CSTPP1: variants seen among roughly 807,000 people sequenced by gnomAD.
CSTPP1 encodes centriolar satellite-associated tubulin polyglutamylase complex regulator 1.
At chr11:47,141,522 G>A in the CSTPP1 span, among the ~76,000 whole-genome samples, 1 of 152,084 alleles carries the variant, frequency 6.6e-6, no homozygotes, top group African/African-American at 2.4e-5. Context: ...TGGGAGAATT[G>A]CTTGAGCCTG....
chr11:47,106,668 C>T, the CSTPP1 span, among the ~76,000 whole-genome samples: 2 of 151,144 alleles, frequency 1.3e-5, no homozygotes, highest in African/African-American at 4.9e-5. Flanking sequence ...AAGAAAAGAA[C>T]ATGAAAGAAA....
At chr11:47,087,641 G>A in the CSTPP1 span, among the ~76,000 whole-genome samples, 3 of 152,182 alleles carry the variant, frequency 2.0e-5, no homozygotes, top group Admixed American at 6.5e-5. Context: ...GGAGGTTGCA[G>A]TGAGCCGAGA....
At chr11:47,040,603 A>G in the CSTPP1 span, among the ~76,000 whole-genome samples, 1 of 126,946 alleles carries the variant, frequency 7.9e-6, no homozygotes, top group African/African-American at 2.5e-5. Flanking sequence ...TACCACTTAT[A>G]AAAAAGCATG....
the CSTPP1 span, among the ~76,000 whole-genome samples, chr11:47,098,785 A>G: frequency 9.9e-5 from 15 of 152,236 alleles, no homozygotes; most frequent in Admixed American, 2.6e-4. Context: ...ACAATTTTCC[A>G]TAAATTTATA....
At chr11:46,973,854 C>A in the CSTPP1 span, among the ~76,000 whole-genome samples, 1 of 151,708 alleles carries the variant, frequency 6.6e-6, no homozygotes, top group African/African-American at 2.4e-5. Flanking sequence ...TAACCAAAAA[C>A]ATTCATATTT....
chr11:46,945,888 A>G, the CSTPP1 span, among the ~76,000 whole-genome samples: 1 of 152,186 alleles, frequency 6.6e-6, no homozygotes, highest in Non-Finnish European at 1.5e-5. Flanking sequence ...TTCTAGAGCC[A>G]GCAGCTATCT....
the CSTPP1 span, chr11:47,164,102 G>A: frequency 6.2e-7 from 1 of 1,611,650 alleles, no homozygotes. Flanking sequence ...GGGTGGTGAG[G>A]TCGAAGCTGC....
the CSTPP1 span, among the ~76,000 whole-genome samples, chr11:47,069,692 G>A: frequency 6.6e-6 from 1 of 151,954 alleles, no homozygotes; most frequent in Non-Finnish European, 1.5e-5. Flanking sequence ...TGTTGTTGTT[G>A]TTGCTGTTTA....
the CSTPP1 span, among the ~76,000 whole-genome samples, chr11:46,955,028 A>G: frequency 1.3e-4 from 20 of 152,198 alleles, no homozygotes; most frequent in Non-Finnish European, 2.8e-4. Flanking sequence ...AGGGAAAAGG[A>G]TCAGGAAAAA....
At chr11:47,067,525 G>T in the CSTPP1 span, among the ~76,000 whole-genome samples, 2 of 152,188 alleles carry the variant, frequency 1.3e-5, no homozygotes, top group Admixed American at 1.3e-4. Context: ...GGCTTCATCA[G>T]ATAGGAAGGA....
At chr11:47,141,040 C>T in the CSTPP1 span, among the ~76,000 whole-genome samples, 4 of 152,056 alleles carry the variant, frequency 2.6e-5, no homozygotes, top group African/African-American at 9.7e-5. Flanking sequence ...CAACTATATC[C>T]TATATTCATT....
the CSTPP1 span, among the ~76,000 whole-genome samples, chr11:47,100,014 T>G: frequency 6.6e-6 from 1 of 152,218 alleles, no homozygotes; most frequent in African/African-American, 2.4e-5. Flanking sequence ...TTCAAGACTT[T>G]AAAGGATTTG....
chr11:46,944,341 G>A, the CSTPP1 span, among the ~76,000 whole-genome samples: 4 of 150,420 alleles, frequency 2.7e-5, no homozygotes, highest in Admixed American at 6.6e-5. Flanking sequence ...AAAAAATTGT[G>A]CTTGCCTCAT....
the CSTPP1 span, among the ~76,000 whole-genome samples, chr11:47,119,891 G>T: frequency 4.1e-4 from 63 of 152,186 alleles, no homozygotes; most frequent in Middle Eastern, 3.4e-3. Flanking sequence ...GATTACAGGC[G>T]TGAGCCACCA....
chr11:47,065,438 C>T, the CSTPP1 span, among the ~76,000 whole-genome samples: 1 of 151,782 alleles, frequency 6.6e-6, no homozygotes, highest in Non-Finnish European at 1.5e-5. Context: ...GCCATCAAGC[C>T]CAGCTAATTT....
the CSTPP1 span, among the ~76,000 whole-genome samples, chr11:47,140,590 C>T: frequency 2.0e-5 from 3 of 151,834 alleles, no homozygotes; most frequent in East Asian, 2.0e-4. Flanking sequence ...ACACCATGCC[C>T]GGCTAATTTT....
the CSTPP1 span, among the ~76,000 whole-genome samples, chr11:46,946,606 C>T: frequency 6.6e-6 from 1 of 152,116 alleles, no homozygotes; most frequent in African/African-American, 2.4e-5. Context: ...TGCAGTGAGC[C>T]GAGATTGCAC....
chr11:47,047,117 T>A, the CSTPP1 span, among the ~76,000 whole-genome samples: 3 of 152,146 alleles, frequency 2.0e-5, no homozygotes, highest in African/African-American at 7.2e-5. Flanking sequence ...GCCAGGCTGG[T>A]CTTGAACTCC....
the CSTPP1 span, among the ~76,000 whole-genome samples, chr11:47,055,227 CTGGTCTCCTACTTTCATAT>C: frequency 6.6e-6 from 1 of 152,076 alleles, no homozygotes; most frequent in African/African-American, 2.4e-5. Context: ...GCTACCATGC[CTGGTCTCCTACTTTCATAT>C]TATGTGTTTT....
Sources: allele counts gnomAD v4.1 joint callset (sites outside exome capture counted in the v4.1 genomes callset), GRCh38; gene constraint gnomAD v4.1.1; transcripts MANE v1.5; gene names NCBI Gene and HGNC (gene_info 2026-07-23, HGNC 2026-07-21).